LIN28A: variants seen among roughly 807,000 people sequenced by gnomAD.
LIN28A encodes lin-28 RNA binding posttranscriptional regulator A, also known as protein lin-28 homolog A.
In LIN28A, 11 loss-of-function variants were observed where a neutral mutation model predicts 21.1. The ratio of observed to expected loss-of-function variants is 0.52; its 90% CI spans 0.33 to 0.86. The LOEUF (loss-of-function observed/expected upper bound fraction) is 0.86. Ranked by LOEUF, LIN28A falls within the 40% of genes least tolerant of loss-of-function variation. LIN28A has a pLI of 0.03. For missense variants in LIN28A, 219 were observed against 279.8 expected, an observed-to-expected ratio of 0.78 and a Z score of 1.55; for synonymous variants, 111 against 108.7, an observed-to-expected ratio of 1.02 and a Z score of -0.13.
At chr1:26,425,721 A>G (rs2075054850) in intron 3 of LIN28A, among the ~76,000 whole-genome samples, 2 of 152,126 alleles carry the variant, frequency 1.3e-5, no homozygotes, top group African/African-American at 2.4e-5. Context: ...CTAAGCCTCA[A>G]TTGTTAAGTG....
intron 2 of LIN28A, among the ~76,000 whole-genome samples, chr1:26,412,677 T>G (rs1570308645): frequency 6.8e-6 from 1 of 147,808 alleles, no homozygotes; most frequent in Admixed American, 6.7e-5. Flanking sequence ...CTTTAGGAGG[T>G]GTGGGGGAGG....
At chr1:26,424,589 G>C (rs935966685) in intron 2 of LIN28A, among the ~76,000 whole-genome samples, 2 of 152,106 alleles carry the variant, frequency 1.3e-5, no homozygotes, top group Admixed American at 1.3e-4. Flanking sequence ...ATTTATTTTT[G>C]AGACGAAGTC....
intron 2 of LIN28A, among the ~76,000 whole-genome samples, chr1:26,416,849 C>T (rs574385607): frequency 2.0e-4 from 30 of 152,164 alleles, no homozygotes; most frequent in Admixed American, 1.2e-3. Context: ...GAACTCCTGA[C>T]CTCGTGGTGA....
chr1:26,412,066 C>T (rs2074963518), intron 2 of LIN28A, among the ~76,000 whole-genome samples: 1 of 152,224 alleles, frequency 6.6e-6, no homozygotes, highest in Admixed American at 6.5e-5. Context: ...TCAGCCTCAT[C>T]CCCTTTTTAA....
At chr1:26,412,839 G>C (rs568387201) in intron 2 of LIN28A, among the ~76,000 whole-genome samples, 43 of 152,220 alleles carry the variant, frequency 2.8e-4, no homozygotes, top group Non-Finnish European at 4.9e-4. Flanking sequence ...AAGGGAAATA[G>C]ACGCAGGGAG....
intron 2 of LIN28A, among the ~76,000 whole-genome samples, chr1:26,423,413 CTTTTTTTTTT>C (rs1202952934): frequency 1.3e-4 from 10 of 78,822 alleles, no homozygotes; most frequent in Admixed American, 2.1e-4. Flanking sequence ...TTTTCTTTTT[CTTTTTTTTTT>C]TTTTTTTTTT....
Position 26,423,413 on chromosome 1 carries a change from C to CTTTTTTTTT in LIN28A, c.229-1875_229-1867dup, listed in dbSNP as rs1202952934. Among the ~76,000 whole-genome samples the CTTTTTTTTT allele has an allele frequency of 5.5e-3, 433 of 78,826 alleles. 1 individual carries two copies. Among genetic ancestry groups the CTTTTTTTTT allele is most frequent in the Non-Finnish European group, 7.6e-3 (341 of 44,660 alleles). 51.7% of individuals were successfully genotyped at this position (78,826 alleles called of 152,430 possible). A position where few individuals can be genotyped will look rare whatever the true frequency, so the allele number is the denominator to read the frequency against. On this transcript the variant is annotated intron_variant, in intron 2 of 3. Coordinates refer to ENST00000326279, the MANE Select transcript of LIN28A (RefSeq NM_024674.6). Reference sequence around the variant, plus strand: ...TTATGATTTCCTTTTTTTTCTTTTTCTTTTTTTTTTTTTTTTTTTTTTTGT... The same window carrying CTTTTTTTTT: ...TTATGATTTCCTTTTTTTTCTTTTTCTTTTTTTTTTTTTTTTTTTTTTTTTTTTTTTTGT...
At chr1:26,424,308 G>A (rs2075045384) in intron 2 of LIN28A, among the ~76,000 whole-genome samples, 1 of 152,032 alleles carries the variant, frequency 6.6e-6, no homozygotes, top group African/African-American at 2.4e-5. Context: ...ACAGTGGCAT[G>A]ATGGCTCACT....
At chr1:26,417,215 C>T (rs1383244752) in intron 2 of LIN28A, among the ~76,000 whole-genome samples, 1 of 152,242 alleles carries the variant, frequency 6.6e-6, no homozygotes, top group Non-Finnish European at 1.5e-5. Context: ...GCAGCGCCAT[C>T]TGGTGGAGAA....
At position 26,427,776 on chromosome 1, in the gene LIN28A, T is replaced by A. The variant is rs1341065063; in HGVS notation, c.*1318T>A. ...CCTGTGCTGTCGAGGGATGGATATA[T>A]GAAGTAAGGTGAGATCCTTAACCTT... On this transcript the variant is annotated 3_prime_UTR_variant, in exon 4 of 4. Transcript: ENST00000326279. The A allele has an allele frequency of 1.3e-5, 2 of 152,350 alleles. No individual in the cohort carries two copies. Among genetic ancestry groups the A allele is most frequent in the Non-Finnish European group, 2.9e-5 (2 of 68,040 alleles). 9.4% of individuals were successfully genotyped at this position (152,350 alleles called of 1,614,324 possible). A position where few individuals can be genotyped will look rare whatever the true frequency, so the allele number is the denominator to read the frequency against.
intron 2 of LIN28A, among the ~76,000 whole-genome samples, chr1:26,413,142 G>A (rs1447001354): frequency 2.0e-5 from 3 of 152,092 alleles, no homozygotes; most frequent in Admixed American, 1.3e-4. Flanking sequence ...CTCCTCAGCA[G>A]GGTAGCAAGC....
At chr1:26,425,038 C>T (rs371538383) in intron 2 of LIN28A, among the ~76,000 whole-genome samples, 10 of 152,180 alleles carry the variant, frequency 6.6e-5, no homozygotes, top group South Asian at 2.1e-4. Flanking sequence ...CCACCGTACC[C>T]GGCCCTCTGT....
At chr1:26,418,309 G>C (rs1184669405) in intron 2 of LIN28A, among the ~76,000 whole-genome samples, 1 of 152,176 alleles carries the variant, frequency 6.6e-6, no homozygotes, top group African/African-American at 2.4e-5. Context: ...CACTTTGGGA[G>C]GCCGAGGCGG....
At chr1:26,420,623 AGTG>A in intron 2 of LIN28A, among the ~76,000 whole-genome samples, 1 of 140,716 alleles carries the variant, frequency 7.1e-6, no homozygotes, top group Non-Finnish European at 1.6e-5. Context: ...AAAAAAATTA[AGTG>A]ATAAGGAATC....
Position 26,427,903 on chromosome 1 carries a change from G to A in LIN28A, c.*1445G>A, listed in dbSNP as rs1435616172. 1 of 152,594 alleles carries A rather than the reference G, an allele frequency of 6.6e-6. No individual in the cohort carries two copies. Among genetic ancestry groups the A allele is most frequent in the Non-Finnish European group, 1.5e-5 (1 of 68,048 alleles). 9.5% of individuals were successfully genotyped at this position (152,594 alleles called of 1,614,324 possible). ...AGTAGTGATTAATAGTGTCATGGTA[G>A]CTAAAGGAGAAAAAGGGGGTTTCGT... On this transcript the variant is annotated 3_prime_UTR_variant, in exon 4 of 4. Transcript: ENST00000326279.
rs1024150673 is a variant in LIN28A at position 26,411,809 on chromosome 1, C to T, written c.228+227C>T. Among the ~76,000 whole-genome samples the T allele has an allele frequency of 1.3e-5, 2 of 152,208 alleles. No individual in the cohort carries two copies. The highest frequency in any genetic ancestry group is 2.9e-5 in the Non-Finnish European group (2 of 68,040). On this transcript the variant is annotated intron_variant, in intron 2 of 3. Coordinates refer to ENST00000326279, the MANE Select transcript of LIN28A (RefSeq NM_024674.6). The surrounding 1 kb of genome is among the most constrained non-coding windows in gnomAD (Gnocchi z 5.4). ...CCCCGCCCCCTTCCGGGAACCCCTC[C>T]GGCTTACCACGTGTCTATTACCTCT...
intron 2 of LIN28A, among the ~76,000 whole-genome samples, chr1:26,412,096 G>C (rs547149444): frequency 6.6e-6 from 1 of 152,334 alleles, no homozygotes; most frequent in South Asian, 2.1e-4. Flanking sequence ...CACCTGGCTG[G>C]TCACTAAAAA....
intron 2 of LIN28A, among the ~76,000 whole-genome samples, chr1:26,422,414 AT>A (rs60313858): frequency 0.032 from 4,340 of 134,764 alleles, 141 homozygotes; most frequent in African/African-American, 0.095. Flanking sequence ...CAATTGTCCT[AT>A]TTTTTTTTTT....
In LIN28A at chr1:26,429,665, C is replaced by T. The variant is rs796460666; in HGVS notation, c.*3207C>T. 7.2e-5 allele frequency: 11 copies of T among 152,350 alleles called. No individual in the cohort carries two copies. The highest frequency in any genetic ancestry group is 2.6e-4 in the African/African-American group (11 of 41,570). 9.4% of individuals were successfully genotyped at this position (152,350 alleles called of 1,614,324 possible). On this transcript the variant is annotated 3_prime_UTR_variant, in exon 4 of 4. Coordinates refer to ENST00000326279, the MANE Select transcript of LIN28A (RefSeq NM_024674.6). ...TTTAACACAAGCTGACTCTTCCCTT[C>T]CCTTCTCCTTTCCCTGGGAAAATAC...
Sources: allele counts gnomAD v4.1 joint callset (sites outside exome capture counted in the v4.1 genomes callset), GRCh38; gene constraint gnomAD v4.1.1; non-coding constraint Gnocchi (gnomAD v3.1); transcripts MANE v1.5; gene names NCBI Gene and HGNC (gene_info 2026-07-23, HGNC 2026-07-21).